FRRS1L: variants seen among roughly 807,000 people sequenced by gnomAD.
FRRS1L encodes ferric chelate reductase 1 like.
In FRRS1L, 22 loss-of-function variants were observed where a neutral mutation model predicts 28.6. The ratio of observed to expected loss-of-function variants is 0.77; its 90% confidence interval spans 0.55 to 1.10. FRRS1L has a LOEUF of 1.10. Ranked by LOEUF, FRRS1L falls within the 50% of genes least tolerant of loss-of-function variation. The pLI is 0.00. For synonymous variants in FRRS1L, 158 were observed against 151.4 expected (o/e 1.04, Z -0.32); for missense variants, 380 against 386.9 (o/e 0.98, Z 0.15).
At chr9:109,143,615 A>G (rs1831217378) in intron 3 of FRRS1L, among the ~76,000 whole-genome samples, 1 of 151,124 alleles carries the variant, frequency 6.6e-6, no homozygotes, top group African/African-American at 2.4e-5. Flanking sequence ...CTCGGGTTCA[A>G]GCAATTCTCC....
intron 3 of FRRS1L, among the ~76,000 whole-genome samples, chr9:109,141,843 A>C (rs1365077318): frequency 6.6e-6 from 1 of 152,106 alleles, no homozygotes; most frequent in Non-Finnish European, 1.5e-5. Flanking sequence ...AAACCAACCT[A>C]ATCAAGAAAA....
chr9:109,149,824 T>C (rs1588100364), intron 1 of FRRS1L, 104 bp from the exon 2 acceptor site: 1 of 776,072 alleles, frequency 1.3e-6, no homozygotes, highest in Non-Finnish European at 2.2e-6. Flanking sequence ...TATCGAGAAA[T>C]GTTTGGGGAC....
intron 4 of FRRS1L, 135 bp from the exon 5 acceptor site, chr9:109,137,762 G>C (rs983976189): frequency 1.1e-5 from 5 of 451,404 alleles, no homozygotes; most frequent in Non-Finnish European, 1.5e-5. Context: ...TCTGGATTCA[G>C]GTATTTGAGT....
chr9:109,164,765 T>C (rs1469189879), intron 1 of FRRS1L, among the ~76,000 whole-genome samples: 1 of 152,218 alleles, frequency 6.6e-6, no homozygotes, highest in Non-Finnish European at 1.5e-5. Context: ...ACCAGTTTTA[T>C]GTGCAGAATG....
chr9:109,141,702 T>C, intron 3 of FRRS1L, 113 bp from the exon 4 acceptor site: 1 of 1,189,566 alleles, frequency 8.4e-7, no homozygotes, highest in South Asian at 1.5e-5. Flanking sequence ...ACCAAAAAAA[T>C]TCTTTTAAGT....
intron 1 of FRRS1L, among the ~76,000 whole-genome samples, chr9:109,161,379 G>T (rs1210703210): frequency 1.3e-5 from 2 of 152,212 alleles, no homozygotes; most frequent in East Asian, 1.9e-4. Context: ...TTAAAAAAGG[G>T]TGTATCAATT....
At position 109,135,401 on chromosome 9, in the gene FRRS1L, T is replaced by C. The variant is rs1270304286; in HGVS notation, c.*2054A>G. 6.6e-6 allele frequency: 1 copy of C among 152,234 alleles called. No homozygotes were observed. The highest frequency in any genetic ancestry group is 1.5e-5 in the Non-Finnish European group (1 of 68,052). The allele number at this position is 152,234 out of a possible 1,614,324, so 9.4% of individuals were successfully genotyped here. On this transcript the variant is annotated 3_prime_UTR_variant, in exon 5 of 5. Coordinates refer to ENST00000561981, the MANE Select transcript of FRRS1L (RefSeq NM_014334.4). Reference sequence around the variant, plus strand: ...TTTGGGGCGCCTAATGTCAAGGCATTACTATGAATTATGCTGACTACCTGT... The same window carrying C: ...TTTGGGGCGCCTAATGTCAAGGCATCACTATGAATTATGCTGACTACCTGT...
chr9:109,137,529 G>T lies in FRRS1L; in HGVS notation c.808C>A (p.Gln270Lys). The T allele has an allele frequency of 6.2e-7, 1 of 1,613,548 alleles. No individual in the cohort carries two copies. The highest frequency in any genetic ancestry group is 8.5e-7 in the Non-Finnish European group (1 of 1,179,596). ...EDIFMPSAAY[Q>K]TFSSPFCLLL... ...AAACAAAATGGAGATGAGAAGGTTT[G>T]ATAGGCAGCTGATGGCATAAAAATG... Residue 270 changes from glutamine to lysine, a missense_variant, in exon 5 of 5, where the codon CAA becomes AAA. Coordinates refer to ENST00000561981, the MANE Select transcript of FRRS1L (RefSeq NM_014334.4).
intron 2 of FRRS1L, among the ~76,000 whole-genome samples, chr9:109,149,301 G>A (rs1831300152): frequency 6.6e-6 from 1 of 152,202 alleles, no homozygotes; most frequent in Non-Finnish European, 1.5e-5. Flanking sequence ...ATCATTGCCT[G>A]TCCTGCCCAC....
At chr9:109,147,231 A>G in intron 2 of FRRS1L, 42 bp from the exon 3 acceptor site, 1 of 1,541,234 alleles carries the variant, frequency 6.5e-7, no homozygotes, top group East Asian at 2.2e-5. Context: ...TTCTACTTAC[A>G]CAAAAGACAT....
intron 1 of FRRS1L, among the ~76,000 whole-genome samples, chr9:109,156,671 G>A (rs1011219429): frequency 2.7e-5 from 4 of 148,960 alleles, no homozygotes; most frequent in African/African-American, 4.9e-5. Flanking sequence ...TTACAGGCAT[G>A]AGCCACTGCA....
chr9:109,147,432 G>A, intron 2 of FRRS1L: 2 of 418,286 alleles, frequency 4.8e-6, no homozygotes, highest in Non-Finnish European at 4.2e-6. Flanking sequence ...GTTGTATAGT[G>A]AAGTCAGCGG....
chr9:109,143,979 C>T (rs1296608668), intron 3 of FRRS1L, among the ~76,000 whole-genome samples: 1 of 152,058 alleles, frequency 6.6e-6, no homozygotes, highest in Non-Finnish European at 1.5e-5. Flanking sequence ...ACTTTATAGG[C>T]CTTTAGATAC....
chr9:109,153,863 T>C (rs756123262), intron 1 of FRRS1L, among the ~76,000 whole-genome samples: 1 of 152,224 alleles, frequency 6.6e-6, no homozygotes. Flanking sequence ...GTTTGGACCA[T>C]GTGCCAATAT....
rs781267310 is a variant in FRRS1L at position 109,147,197 on chromosome 9, A to G, written c.324-8T>C. The stretch of plus-strand genomic sequence containing the variant: ...CAGCCTGGTTTGCCATATCTAGAAG[A>G]GATATCGAAAGAGACTTTACTGCTT... On this transcript the variant is annotated splice_polypyrimidine_tract_variant and splice_region_variant and intron_variant, in intron 2 of 4. Transcript: ENST00000561981. The G allele has an allele frequency of 6.2e-7, 1 of 1,609,742 alleles. No homozygotes were observed. Among genetic ancestry groups the G allele is most frequent in the South Asian group, 1.1e-5 (1 of 90,700 alleles).
intron 1 of FRRS1L, among the ~76,000 whole-genome samples, chr9:109,158,133 G>T (rs1187704248): frequency 6.6e-6 from 1 of 152,158 alleles, no homozygotes; most frequent in Non-Finnish European, 1.5e-5. Flanking sequence ...TGAGCCTGGA[G>T]CTTTCTTGGT....
intron 1 of FRRS1L, among the ~76,000 whole-genome samples, chr9:109,161,708 C>T (rs1831482558): frequency 6.6e-6 from 1 of 152,116 alleles, no homozygotes; most frequent in Admixed American, 6.5e-5. Context: ...TAATTAATGG[C>T]TTGGCTCACA....
intron 4 of FRRS1L, chr9:109,141,057 A>G: frequency 2.2e-6 from 1 of 462,820 alleles, no homozygotes; most frequent in Non-Finnish European, 3.9e-6. Flanking sequence ...AGAGCCCTAC[A>G]TACAGCAGAT....
chr9:109,165,043 A>C (rs904373973), intron 1 of FRRS1L, among the ~76,000 whole-genome samples: 1 of 152,232 alleles, frequency 6.6e-6, no homozygotes, highest in Non-Finnish European at 1.5e-5. Context: ...CATTTGTTAG[A>C]TGCATGAGCC....
Sources: allele counts gnomAD v4.1 joint callset (sites outside exome capture counted in the v4.1 genomes callset), GRCh38; gene constraint gnomAD v4.1.1; transcripts MANE v1.5; gene names NCBI Gene and HGNC (gene_info 2026-07-23, HGNC 2026-07-21).